Variants in PRKG1 observed in about 807,000 individuals in gnomAD.
The protein encoded by PRKG1 is protein kinase cGMP-dependent 1, also known as cGMP-dependent protein kinase 1.
A neutral mutation model predicts 88.1 loss-of-function variants in PRKG1; 35 were observed. That is an observed-to-expected ratio of 0.40 (90% confidence interval 0.30 to 0.53). The LOEUF (loss-of-function observed/expected upper bound fraction) is 0.53, where lower values mean the gene tolerates loss of function less well. Ranked by LOEUF, PRKG1 falls within the 20% of genes least tolerant of loss-of-function variation. The pLI, the probability that PRKG1 is intolerant of heterozygous loss-of-function variation, is 0.59. For synonymous variants in PRKG1, 303 were observed against 292.5 expected, an observed-to-expected ratio of 1.04 and a Z score of -0.37; for missense variants, 540 against 839.8, an observed-to-expected ratio of 0.64 and a Z score of 4.41.
Position 51,451,268 on chromosome 10 carries a change from A to C in PRKG1, c.479-16455A>C, listed in dbSNP as rs1236914960. 4.3e-5 allele frequency among the ~76,000 whole-genome samples: 5 copies of C among 115,218 alleles called. No individual in the cohort carries two copies. The East Asian group carries it at 1.1e-3, about 24-fold the overall frequency. The allele number at this position is 115,218 out of a possible 152,430, so 75.6% of individuals were successfully genotyped here. A position where few individuals can be genotyped will look rare whatever the true frequency, so the allele number is the denominator to read the frequency against. ...TTTAAAGCTATTTGCAACAATTGTC[A>C]TACAGTAAGTAAACTTTTTTTTTTT... On this transcript the variant is annotated intron_variant, in intron 2 of 17. Coordinates refer to ENST00000373980, the MANE Select transcript of PRKG1 (RefSeq NM_006258.4).
intron 3 of PRKG1, among the ~76,000 whole-genome samples, chr10:51,487,745 T>C (rs1242118081): frequency 6.6e-6 from 1 of 152,190 alleles, no homozygotes; most frequent in Non-Finnish European, 1.5e-5. Context: ...AGCTCGTAAT[T>C]TATTGGCATA....
intron 7 of PRKG1, among the ~76,000 whole-genome samples, chr10:52,063,073 G>A (rs974816693): frequency 3.9e-5 from 6 of 152,172 alleles, no homozygotes; most frequent in East Asian, 3.9e-4. Flanking sequence ...GCTGGTGGGC[G>A]CCTTCACCTG....
At chr10:51,094,410 G>A (rs1156801023) in intron 1 of PRKG1, among the ~76,000 whole-genome samples, 1 of 152,000 alleles carries the variant, frequency 6.6e-6, no homozygotes, top group African/African-American at 2.4e-5. Flanking sequence ...TATTGAATGG[G>A]TCGTGTTTGG....
intron 7 of PRKG1, among the ~76,000 whole-genome samples, chr10:52,120,725 C>T (rs1316677427): frequency 1.3e-5 from 2 of 152,166 alleles, no homozygotes; most frequent in East Asian, 1.9e-4. Context: ...CAGGCAGCCC[C>T]GCCCCTGTGT....
At chr10:51,698,819 C>G (rs774625713) in intron 3 of PRKG1, 4 of 1,614,170 alleles carry the variant, frequency 2.5e-6, no homozygotes, top group Non-Finnish European at 3.4e-6. Flanking sequence ...CACAGGTCTT[C>G]TAGCCAAATG....
In PRKG1 at chr10:51,029,710, A is replaced by G. The variant is rs185994432; in HGVS notation, c.266+38066A>G. Among the ~76,000 whole-genome samples the G allele has an allele frequency of 5.0e-3, 763 of 152,288 alleles. 3 individuals carry two copies. Among genetic ancestry groups the G allele is most frequent in the Non-Finnish European group, 7.8e-3 (533 of 68,016 alleles). On this transcript the variant is annotated intron_variant, in intron 1 of 17. Coordinates refer to the PRKG1 transcript ENST00000401604. ...TTGTTCTTGGTTTGCTTATTTGAGA[A>G]CAAATTAGCTCCTTTTCCATTTCAT... is the stretch of plus-strand genomic sequence containing the variant.
At chr10:52,224,549 C>G (rs12774162) in intron 9 of PRKG1, among the ~76,000 whole-genome samples, 78,700 of 125,946 alleles carry the variant, frequency 0.62, 25,161 homozygotes, top group East Asian at 0.77. Flanking sequence ...TACCCATCAC[C>G]CAAGCAGTAT....
rs117221306 is a variant in PRKG1 at position 52,045,055 on chromosome 10, A to C, written c.763-9429A>C. ...GGTGCAAGTCACAAATTAATTTTCTAAATTGTTTACATAGTACCAGTACTT... is the reference window on the plus strand; with the variant it reads ...GGTGCAAGTCACAAATTAATTTTCTCAATTGTTTACATAGTACCAGTACTT... On this transcript the variant is annotated intron_variant, in intron 5 of 17. Transcript: ENST00000373980. Among the ~76,000 whole-genome samples the C allele has an allele frequency of 3.3e-5, 5 of 152,272 alleles. No individual in the cohort carries two copies. The East Asian group carries it at 9.6e-4, about 29-fold the overall frequency.
chr10:51,741,094 A>C (rs1166014928), intron 3 of PRKG1, among the ~76,000 whole-genome samples: 1 of 152,072 alleles, frequency 6.6e-6, no homozygotes, highest in Non-Finnish European at 1.5e-5. Context: ...ATTATTTTTT[A>C]AACTTAATGT....
intron 7 of PRKG1, among the ~76,000 whole-genome samples, chr10:52,105,523 T>A (rs1039126271): frequency 6.6e-6 from 1 of 152,192 alleles, no homozygotes; most frequent in Non-Finnish European, 1.5e-5. Flanking sequence ...AGAGGGCGTG[T>A]AGAATGGAGC....
intron 5 of PRKG1, among the ~76,000 whole-genome samples, chr10:52,030,284 G>A (rs1210549280): frequency 6.6e-6 from 1 of 152,034 alleles, no homozygotes. Flanking sequence ...CTTTCATCTG[G>A]CTAGTTCCTA....
intron 2 of PRKG1, among the ~76,000 whole-genome samples, chr10:51,325,554 C>T (rs1399204602): frequency 2.0e-5 from 3 of 152,130 alleles, no homozygotes; most frequent in South Asian, 2.1e-4. Context: ...ATATATTCTT[C>T]GATACTGTAG....
chr10:51,197,855 T>G (rs1046799587), intron 2 of PRKG1, among the ~76,000 whole-genome samples: 59 of 150,610 alleles, frequency 3.9e-4, no homozygotes, highest in African/African-American at 1.4e-3. Flanking sequence ...TAAAAGTAAT[T>G]GCAGAAACCA....
intron 3 of PRKG1, among the ~76,000 whole-genome samples, chr10:51,611,226 A>G (rs1838898393): frequency 6.6e-6 from 1 of 152,114 alleles, no homozygotes; most frequent in African/African-American, 2.4e-5. Flanking sequence ...TAGTTGTACT[A>G]ATTTACATTC....
At chr10:51,614,941 A>C (rs1200089617) in intron 3 of PRKG1, among the ~76,000 whole-genome samples, 3 of 149,864 alleles carry the variant, frequency 2.0e-5, no homozygotes, top group Non-Finnish European at 4.5e-5. Flanking sequence ...CCATCTTTGA[A>C]TATATTCAAC....
chr10:51,424,661 A>G (rs1423841839), intron 2 of PRKG1, among the ~76,000 whole-genome samples: 1 of 152,058 alleles, frequency 6.6e-6, no homozygotes, highest in Non-Finnish European at 1.5e-5. Flanking sequence ...CCCTACTAAG[A>G]TTTGTTGTTA....
intron 9 of PRKG1, among the ~76,000 whole-genome samples, chr10:52,211,756 G>A (rs868694291): frequency 5.9e-5 from 9 of 151,458 alleles, no homozygotes; most frequent in African/African-American, 2.2e-4. Context: ...AGTAACGGGG[G>A]TGATGAATGT....
At chr10:51,055,260 G>T (rs2666547) in intron 1 of PRKG1, among the ~76,000 whole-genome samples, 121,812 of 151,984 alleles carry the variant, frequency 0.8, 49,466 homozygotes, top group Non-Finnish European at 0.87. Context: ...CTATTGTTCC[G>T]GCCCAAATTG....
chr10:51,808,431 G>A (rs1357028847), intron 4 of PRKG1, among the ~76,000 whole-genome samples: 2 of 151,926 alleles, frequency 1.3e-5, no homozygotes, highest in Non-Finnish European at 2.9e-5. Context: ...CCCTGTCTCT[G>A]CAAAAAATAG....
Sources: allele counts gnomAD v4.1 joint callset (sites outside exome capture counted in the v4.1 genomes callset), GRCh38; gene constraint gnomAD v4.1.1; transcripts MANE v1.5; gene names NCBI Gene and HGNC (gene_info 2026-07-23, HGNC 2026-07-21).